The following SYT9 variants were observed in gnomAD, a reference collection of about 807,000 sequenced individuals.
SYT9 encodes synaptotagmin-9.
Under a neutral mutation model 48.4 loss-of-function variants are expected in SYT9, and 22 were observed. The observed-to-expected ratio is 0.45, with a 90% CI of 0.32 to 0.65. SYT9 has a LOEUF of 0.65. Among genes scored for constraint, SYT9 ranks in the 30% least tolerant of loss-of-function variants. SYT9 has a pLI of 0.03. For missense variants in SYT9, 577 were observed against 622.0 expected (o/e 0.93, Z 0.77); for synonymous variants, 265 against 245.0 (o/e 1.08, Z -0.76).
At chr11:7,253,309 A>G (rs1166117114) in intron 1 of SYT9, among the ~76,000 whole-genome samples, 2 of 152,232 alleles carry the variant, frequency 1.3e-5, no homozygotes, top group Non-Finnish European at 2.9e-5. Context: ...TAAAAATGGG[A>G]TGAGAAAATG....
chr11:7,245,631 T>G (rs1847783067), intron 1 of SYT9, among the ~76,000 whole-genome samples: 1 of 152,218 alleles, frequency 6.6e-6, no homozygotes, highest in Admixed American at 6.5e-5. Flanking sequence ...CTTATAATTC[T>G]GGAGTCTGGG....
Position 7,303,214 on chromosome 11 carries a change from T to C in SYT9, c.321T>C (p.Asn107=), listed in dbSNP as rs1437112182. Residue 107 remains asparagine, a synonymous_variant, in exon 2 of 7, where the codon AAT becomes AAC. Transcript: ENST00000318881. ...TTAACTACATGGACACAGAGACCAA[T>C]GAGCAGGAGAACAGTGAGGACTTCC... ...EPLNYMDTET[N]EQENSEDFLD... is the part of the protein sequence containing the mutation. The C allele has an allele frequency of 3.1e-6, 5 of 1,613,900 alleles. No homozygotes were observed. Among genetic ancestry groups the C allele is most frequent in the Non-Finnish European group, 4.2e-6 (5 of 1,179,994 alleles).
intron 3 of SYT9, among the ~76,000 whole-genome samples, chr11:7,406,190 C>T (rs1035339999): frequency 3.9e-5 from 6 of 152,126 alleles, no homozygotes; most frequent in African/African-American, 1.4e-4. Context: ...GTCCTCTCTT[C>T]TAGCTACTTT....
intron 1 of SYT9, among the ~76,000 whole-genome samples, chr11:7,274,017 T>C (rs1848342002): frequency 6.6e-6 from 1 of 152,192 alleles, no homozygotes; most frequent in Non-Finnish European, 1.5e-5. Flanking sequence ...TGTATACCTA[T>C]GTAACAAATC....
intron 3 of SYT9, among the ~76,000 whole-genome samples, chr11:7,392,365 CT>C (rs1449936793): frequency 6.6e-6 from 1 of 152,022 alleles, no homozygotes; most frequent in Admixed American, 6.6e-5. Context: ...AATAAGGAAT[CT>C]TTTTGCCATT....
chr11:7,332,768 G>T (rs1849563115), intron 3 of SYT9, among the ~76,000 whole-genome samples: 1 of 152,150 alleles, frequency 6.6e-6, no homozygotes, highest in Non-Finnish European at 1.5e-5. Context: ...TTATTCCATG[G>T]CTGAACACAT....
At chr11:7,341,491 G>A (rs1012172441) in intron 3 of SYT9, among the ~76,000 whole-genome samples, 2 of 152,064 alleles carry the variant, frequency 1.3e-5, no homozygotes, top group Non-Finnish European at 1.5e-5. Flanking sequence ...CCCTGCACAC[G>A]TTCTCTTACC....
At chr11:7,267,694 CAA>C (rs1341071140) in intron 1 of SYT9, among the ~76,000 whole-genome samples, 3 of 149,894 alleles carry the variant, frequency 2.0e-5, no homozygotes, top group African/African-American at 7.4e-5. Flanking sequence ...TAAAGCAAAT[CAA>C]AAGAGAAAAA....
chr11:7,277,945 C>T (rs1460044415), intron 1 of SYT9, among the ~76,000 whole-genome samples: 1 of 152,104 alleles, frequency 6.6e-6, no homozygotes, highest in African/African-American at 2.4e-5. Context: ...TTTTCTGTTG[C>T]TTATAACAAA....
intron 3 of SYT9, among the ~76,000 whole-genome samples, chr11:7,372,976 AT>A (rs1453276135): frequency 1.3e-5 from 2 of 152,036 alleles, no homozygotes; most frequent in African/African-American, 2.4e-5. Context: ...ATATTCCCCA[AT>A]ATTTTTCTAT....
chr11:7,442,549 C>A (rs1366806797), intron 6 of SYT9, among the ~76,000 whole-genome samples: 1 of 152,160 alleles, frequency 6.6e-6, no homozygotes, highest in Non-Finnish European at 1.5e-5. Context: ...ACACCTTCAC[C>A]CCCAGCACTG....
chr11:7,457,577 AG>A (rs1848170694), intron 6 of SYT9: 1 of 152,220 alleles, frequency 6.6e-6, no homozygotes, highest in Admixed American at 6.5e-5. Context: ...CTGATTTCTT[AG>A]ATAAATTCTC....
chr11:7,437,789 ATATT>A (rs1181524710), intron 6 of SYT9: 1 of 152,252 alleles, frequency 6.6e-6, no homozygotes, highest in Non-Finnish European at 1.5e-5. Context: ...TTTACCACAA[ATATT>A]TAACCTTCCA....
At position 7,323,042 on chromosome 11, in the gene SYT9, T is replaced by C. The variant is rs564182450; in HGVS notation, c.1044+9101T>C. Among the ~76,000 whole-genome samples, 11 of 152,318 alleles carry C rather than the reference T, an allele frequency of 7.2e-5. No individual in the cohort carries two copies. In the East Asian group the frequency reaches 1.7e-3, roughly 24 times the overall value. ...TCTTTTTTGTTGTTTTGCAGCATGA[T>C]TTTAGCATTCCATATTATATGGTCT... On this transcript the variant is annotated intron_variant, in intron 3 of 6. Transcript: ENST00000318881.
At chr11:7,298,052 C>T (rs567822550) in intron 1 of SYT9, among the ~76,000 whole-genome samples, 7 of 152,244 alleles carry the variant, frequency 4.6e-5, no homozygotes, top group African/African-American at 1.2e-4. Flanking sequence ...AGTTGTCCTT[C>T]GGTTCTAGGG....
At chr11:7,283,770 A>G (rs1171529739) in intron 1 of SYT9, among the ~76,000 whole-genome samples, 9 of 152,114 alleles carry the variant, frequency 5.9e-5, no homozygotes, top group Non-Finnish European at 1.2e-4. Flanking sequence ...TGTAGTAATC[A>G]TGGGTTTTCA....
intron 3 of SYT9, among the ~76,000 whole-genome samples, chr11:7,369,544 G>A (rs1385647663): frequency 3.9e-5 from 6 of 152,078 alleles, no homozygotes; most frequent in African/African-American, 1.4e-4. Context: ...TAGTCATGAA[G>A]TCTTTGCCCA....
At chr11:7,379,093 A>G (rs1402296953) in intron 3 of SYT9, among the ~76,000 whole-genome samples, 11 of 152,128 alleles carry the variant, frequency 7.2e-5, no homozygotes, top group Admixed American at 7.2e-4. Flanking sequence ...TGAAAATAAA[A>G]AAGTCTTTTC....
chr11:7,411,139 G>A (rs1440283182), intron 3 of SYT9, among the ~76,000 whole-genome samples: 3 of 152,222 alleles, frequency 2.0e-5, no homozygotes, highest in African/African-American at 7.2e-5. Flanking sequence ...GCAGGTGTGA[G>A]CCACCATGCC....
Sources: allele counts gnomAD v4.1 joint callset (sites outside exome capture counted in the v4.1 genomes callset), GRCh38; gene constraint gnomAD v4.1.1; transcripts MANE v1.5; gene names NCBI Gene and HGNC (gene_info 2026-07-23, HGNC 2026-07-21).